CACNA2D3: variants seen among roughly 807,000 people sequenced by gnomAD.
The protein encoded by CACNA2D3 is calcium voltage-gated channel auxiliary subunit alpha2delta 3.
In CACNA2D3, 60 loss-of-function variants were observed where a neutral mutation model predicts 160.6. That is an observed-to-expected ratio of 0.37 (90% CI 0.30 to 0.46). The LOEUF (loss-of-function observed/expected upper bound fraction) is 0.46, where lower values mean the gene tolerates loss of function less well. CACNA2D3 is among the 20% of genes least tolerant of loss of function. CACNA2D3 has a pLI of 1.00. For missense variants in CACNA2D3, 1,205 were observed against 1,365.0 expected (o/e 0.88, Z 1.85); for synonymous variants, 558 against 492.9 (o/e 1.13, Z -1.75).
intron 27 of CACNA2D3, among the ~76,000 whole-genome samples, chr3:54,912,237 T>C (rs1700571461): frequency 6.6e-6 from 1 of 152,214 alleles, no homozygotes; most frequent in African/African-American, 2.4e-5. Context: ...GAGTTTTTTG[T>C]AACTTAATCT....
rs76285167 is a variant in CACNA2D3 at position 55,043,498 on chromosome 3, G to A, written c.2987+25181G>A. 9.6e-3 allele frequency among the ~76,000 whole-genome samples: 1,457 copies of A among 151,696 alleles called. 25 individuals carry two copies. Among genetic ancestry groups the A allele is most frequent in the African/African-American group, 0.033 (1,374 of 41,374 alleles). On this transcript the variant is annotated intron_variant, in intron 35 of 37. Coordinates refer to ENST00000474759, the MANE Select transcript of CACNA2D3 (RefSeq NM_018398.3). ...TGTTTTGCTCATTTTAAAAAAAAAG[G>A]TACTTTGTTTTCTTTTTATTGAGTT...
At chr3:54,258,186 A>G (rs1160195584) in intron 2 of CACNA2D3, among the ~76,000 whole-genome samples, 2 of 152,150 alleles carry the variant, frequency 1.3e-5, no homozygotes, top group Non-Finnish European at 2.9e-5. Context: ...TAGGAATGGT[A>G]ATACTTTTTG....
At chr3:54,555,678 G>T (rs978428457) in intron 5 of CACNA2D3, among the ~76,000 whole-genome samples, 3 of 152,134 alleles carry the variant, frequency 2.0e-5, no homozygotes, top group African/African-American at 4.8e-5. Flanking sequence ...ATAGATTCTT[G>T]ACTGGCACTG....
intron 27 of CACNA2D3, among the ~76,000 whole-genome samples, chr3:54,941,155 A>C (rs575655939): frequency 6.6e-6 from 1 of 152,348 alleles, no homozygotes; most frequent in East Asian, 1.9e-4. Context: ...GCCCCAGTTA[A>C]AGTAACTTAA....
chr3:54,552,288 A>G (rs2106687382), intron 5 of CACNA2D3, among the ~76,000 whole-genome samples: 1 of 152,242 alleles, frequency 6.6e-6, no homozygotes, highest in Non-Finnish European at 1.5e-5. Flanking sequence ...AGTATTAAGT[A>G]CTAAGATGTC....
intron 27 of CACNA2D3, chr3:54,918,168 C>T (rs1046565884): frequency 6.7e-6 from 2 of 296,606 alleles, no homozygotes; most frequent in African/African-American, 2.2e-5. Context: ...GAAGAGATGG[C>T]ATCTTCCCTT....
chr3:54,468,234 A>G (rs1246243926), intron 4 of CACNA2D3, among the ~76,000 whole-genome samples: 1 of 152,152 alleles, frequency 6.6e-6, no homozygotes. Context: ...TGAGGTACCA[A>G]GTCATCTCAT....
chr3:55,040,023 T>C (rs1703922906), intron 35 of CACNA2D3, among the ~76,000 whole-genome samples: 1 of 152,186 alleles, frequency 6.6e-6, no homozygotes, highest in Non-Finnish European at 1.5e-5. Flanking sequence ...ATTTCCCACA[T>C]TTTTGGAGGC....
At chr3:54,209,157 C>A (rs1701325581) in intron 2 of CACNA2D3, among the ~76,000 whole-genome samples, 1 of 152,154 alleles carries the variant, frequency 6.6e-6, no homozygotes, top group Non-Finnish European at 1.5e-5. Flanking sequence ...CAAACCATAT[C>A]AGAAGGGAAG....
intron 12 of CACNA2D3, among the ~76,000 whole-genome samples, chr3:54,758,848 C>T (rs1317222306): frequency 6.6e-6 from 1 of 152,174 alleles, no homozygotes; most frequent in African/African-American, 2.4e-5. Flanking sequence ...AAGGAAGCTA[C>T]ACCCGTCACT....
At chr3:54,416,277 GGATT>G (rs1366966174) in intron 4 of CACNA2D3, among the ~76,000 whole-genome samples, 1 of 152,188 alleles carries the variant, frequency 6.6e-6, no homozygotes, top group African/African-American at 2.4e-5. Context: ...ATTATGCAGT[GGATT>G]GGCAGCTACC....
intron 2 of CACNA2D3, among the ~76,000 whole-genome samples, chr3:54,131,322 G>T (rs11707668): frequency 0.32 from 48,734 of 152,056 alleles, 8,221 homozygotes; most frequent in East Asian, 0.56. Flanking sequence ...TTCCCCTAGA[G>T]ATCAGCTCCC....
intron 11 of CACNA2D3, among the ~76,000 whole-genome samples, chr3:54,706,654 A>G (rs998412650): frequency 1.3e-5 from 2 of 152,186 alleles, no homozygotes; most frequent in East Asian, 1.9e-4. Context: ...CTCTTCAAAA[A>G]TGATCTTGTA....
At chr3:54,409,594 G>A (rs1041038788) in intron 4 of CACNA2D3, among the ~76,000 whole-genome samples, 1 of 152,214 alleles carries the variant, frequency 6.6e-6, no homozygotes, top group African/African-American at 2.4e-5. Flanking sequence ...TGGGCCGAAA[G>A]CTAGGCCTCT....
chr3:55,005,976 A>C (rs1053166593), intron 32 of CACNA2D3, among the ~76,000 whole-genome samples: 10 of 152,226 alleles, frequency 6.6e-5, no homozygotes, highest in Non-Finnish European at 1.5e-4. Context: ...AAAAACAGAT[A>C]ATTAACACGG....
intron 13 of CACNA2D3, among the ~76,000 whole-genome samples, chr3:54,796,159 CCT>C (rs201751465): frequency 0.017 from 2,632 of 152,154 alleles, 68 homozygotes; most frequent in African/African-American, 0.06. Context: ...CCTTGTATTC[CCT>C]TCATTATCCA....
intron 11 of CACNA2D3, among the ~76,000 whole-genome samples, chr3:54,707,136 T>C (rs141411599): frequency 9.8e-5 from 15 of 152,312 alleles, no homozygotes; most frequent in South Asian, 8.3e-4. Flanking sequence ...ATTATTGTCA[T>C]TAGAGCATTT....
intron 2 of CACNA2D3, among the ~76,000 whole-genome samples, chr3:54,176,886 C>T (rs192800885): frequency 1.3e-5 from 2 of 151,996 alleles, no homozygotes; most frequent in African/African-American, 4.8e-5. Flanking sequence ...GTGATTATTT[C>T]AGGCAGCCCA....
chr3:55,051,803 C>T (rs867273066), intron 35 of CACNA2D3, among the ~76,000 whole-genome samples: 10 of 152,198 alleles, frequency 6.6e-5, no homozygotes, highest in East Asian at 1.9e-4. Context: ...GATATAATCT[C>T]GTGGTGCGCC....
Sources: allele counts gnomAD v4.1 joint callset (sites outside exome capture counted in the v4.1 genomes callset), GRCh38; gene constraint gnomAD v4.1.1; transcripts MANE v1.5; gene names NCBI Gene and HGNC (gene_info 2026-07-23, HGNC 2026-07-21).